The following SPAG1 variants were observed in gnomAD, a reference collection of about 807,000 sequenced individuals.
SPAG1 encodes the protein sperm associated antigen 1.
In SPAG1, 69 loss-of-function variants were observed where a neutral mutation model predicts 100.5. The observed-to-expected ratio is 0.69, with a 90% CI of 0.57 to 0.84. SPAG1 has a LOEUF of 0.84. Among genes scored for constraint, SPAG1 ranks in the 40% least tolerant of loss-of-function variants. The pLI is 0.00. For missense variants in SPAG1, 955 were observed against 1,133.1 expected (o/e 0.84, Z 2.26); for synonymous variants, 336 against 411.6 (o/e 0.82, Z 2.22).
At chr8:100,191,761 T>C (rs1816826176) in intron 9 of SPAG1, among the ~76,000 whole-genome samples, 1 of 152,150 alleles carries the variant, frequency 6.6e-6, no homozygotes, top group Non-Finnish European at 1.5e-5. Flanking sequence ...GTAGGCAATG[T>C]TTTTCTCTGA....
chr8:100,160,683 T>C (rs561249560), intron 1 of SPAG1, among the ~76,000 whole-genome samples: 2 of 151,370 alleles, frequency 1.3e-5, no homozygotes, highest in East Asian at 1.9e-4. Flanking sequence ...CACAGTTCAT[T>C]GTGTAGTAGG....
At chr8:100,233,676 A>G in intron 16 of SPAG1, 139 bp downstream of exon 16, 2 of 815,638 alleles carry the variant, frequency 2.5e-6, no homozygotes, top group South Asian at 2.1e-5. Context: ...AACCAGTTCT[A>G]AAACCTTGAT....
chr8:100,228,912 CAG>C (rs1331260242), intron 14 of SPAG1, among the ~76,000 whole-genome samples: 1 of 151,894 alleles, frequency 6.6e-6, no homozygotes, highest in Admixed American at 6.6e-5. Context: ...TTGTAAGTAA[CAG>C]AAAATCTGTT....
In SPAG1 at chr8:100,213,437, G is replaced by T; in HGVS notation, c.1435+9G>T. 1 of 1,384,244 alleles carries T rather than the reference G, an allele frequency of 7.2e-7. No individual in the cohort carries two copies. The allele number at this position is 1,384,244 out of a possible 1,614,324, so 85.7% of individuals were successfully genotyped here. On this transcript the variant is annotated intron_variant, in intron 11 of 18. Transcript: ENST00000388798. ...GCTCCTGGAGCCAGCAGGTAGGTGC[G>T]CCGCGCCCCGCCGCTTCCTGGGCCC... is the stretch of plus-strand genomic sequence containing the variant.
At chr8:100,194,908 T>TATA (rs1456290427) in intron 10 of SPAG1, among the ~76,000 whole-genome samples, 1 of 152,150 alleles carries the variant, frequency 6.6e-6, no homozygotes, top group Non-Finnish European at 1.5e-5. Flanking sequence ...GGCTCACACC[T>TATA]ATAATCCCAG....
At chr8:100,211,516 G>T (rs541559392) in intron 10 of SPAG1, among the ~76,000 whole-genome samples, 1 of 152,218 alleles carries the variant, frequency 6.6e-6, no homozygotes, top group South Asian at 2.1e-4. Flanking sequence ...CATTAGCCAG[G>T]CATGGTGGCT....
chr8:100,233,670 A>T, intron 16 of SPAG1, 133 bp downstream of exon 16: 1 of 866,200 alleles, frequency 1.2e-6, no homozygotes. Context: ...TGTACTAACC[A>T]GTTCTAAAAC....
intron 3 of SPAG1, among the ~76,000 whole-genome samples, chr8:100,172,672 G>GTGTA (rs1234355616): frequency 8.6e-5 from 13 of 151,468 alleles, no homozygotes; most frequent in Admixed American, 7.2e-4. Flanking sequence ...GTGTGTATGT[G>GTGTA]TGTGTGTATG....
chr8:100,177,984 T>C (rs778695123), intron 4 of SPAG1, 43 bp downstream of exon 4: 6 of 1,563,282 alleles, frequency 3.8e-6, no homozygotes, highest in Non-Finnish European at 1.7e-6. Context: ...CAGGAGAGGA[T>C]TGCTGCTGTT....
rs531596048 is a variant in SPAG1, at chr8:100,166,639, C to T, written c.300+666C>T. Among the ~76,000 whole-genome samples the T allele has an allele frequency of 2.0e-5, 3 of 152,172 alleles. No homozygotes were observed. In the South Asian group the frequency reaches 6.2e-4, roughly 32 times the overall value. The stretch of plus-strand genomic sequence containing the variant: ...CAAATTGCTTGGTCAGATGTGGTTG[C>T]TCACACCACCTGTAATCCCAGCACT... On this transcript the variant is annotated intron_variant, in intron 3 of 18. Coordinates refer to ENST00000388798, the MANE Select transcript of SPAG1 (RefSeq NM_003114.5).
At chr8:100,164,605 A>G (rs757321918) in intron 2 of SPAG1, among the ~76,000 whole-genome samples, 9 of 152,066 alleles carry the variant, frequency 5.9e-5, no homozygotes, top group Non-Finnish European at 1.2e-4. Flanking sequence ...TTGTACTTTT[A>G]GTAGAGAGTC....
intron 12 of SPAG1, among the ~76,000 whole-genome samples, chr8:100,216,953 T>G (rs1479916340): frequency 3.8e-5 from 4 of 104,254 alleles, no homozygotes; most frequent in Non-Finnish European, 8.0e-5. Context: ...TTTTTTTTTT[T>G]TGAGACTGAG....
chr8:100,190,180 G>A (rs1816754330), intron 8 of SPAG1, among the ~76,000 whole-genome samples: 1 of 151,980 alleles, frequency 6.6e-6, no homozygotes, highest in Admixed American at 6.6e-5. Flanking sequence ...GGATGTGGTG[G>A]CATGAGCCTG....
chr8:100,219,687 T>C (rs1041985630), intron 12 of SPAG1, among the ~76,000 whole-genome samples: 1 of 151,940 alleles, frequency 6.6e-6, no homozygotes, highest in Non-Finnish European at 1.5e-5. Flanking sequence ...AACACAACCA[T>C]GAGATACATC....
chr8:100,194,464 A>G (rs1292082802), intron 10 of SPAG1, 196 bp downstream of exon 10: 4 of 702,036 alleles, frequency 5.7e-6, no homozygotes, highest in Non-Finnish European at 9.5e-6. Flanking sequence ...TTCCTTCTTA[A>G]CCTGTCACCT....
chr8:100,171,476 T>C (rs1441528151), intron 3 of SPAG1, among the ~76,000 whole-genome samples: 1 of 152,226 alleles, frequency 6.6e-6, no homozygotes, highest in Non-Finnish European at 1.5e-5. Flanking sequence ...CCTGGAGTTT[T>C]CTTTGTAGGA....
chr8:100,226,151 C>T (rs1468337908), intron 14 of SPAG1, among the ~76,000 whole-genome samples: 1 of 152,038 alleles, frequency 6.6e-6, no homozygotes, highest in African/African-American at 2.4e-5. Flanking sequence ...TGCCTGCCAC[C>T]ACGCACGGCT....
At chr8:100,163,160 G>A (rs572954622) in intron 2 of SPAG1, among the ~76,000 whole-genome samples, 3 of 152,176 alleles carry the variant, frequency 2.0e-5, no homozygotes, top group Admixed American at 1.3e-4. Flanking sequence ...TCTCAGGATA[G>A]AGCTCCATTC....
chr8:100,174,587 G>T (rs753618578), intron 3 of SPAG1, among the ~76,000 whole-genome samples: 1 of 152,084 alleles, frequency 6.6e-6, no homozygotes, highest in Non-Finnish European at 1.5e-5. Flanking sequence ...TTCTTCCACC[G>T]TTTGCTTTAG....
Sources: gnomAD v4.1 joint callset for allele counts (sites outside exome capture counted in the v4.1 genomes callset) on GRCh38, gnomAD v4.1.1 for gene constraint, MANE v1.5 for transcripts, NCBI Gene and HGNC (gene_info 2026-07-23, HGNC 2026-07-21) for gene names.